KCNQ3: variants seen among roughly 807,000 people sequenced by gnomAD.
KCNQ3 encodes potassium voltage-gated channel subfamily KQT member 3.
A neutral mutation model predicts 92.5 loss-of-function variants in KCNQ3; 30 were observed. The ratio of observed to expected loss-of-function variants is 0.32; its 90% CI spans 0.24 to 0.44. KCNQ3 has a LOEUF of 0.44. KCNQ3 is among the 20% of genes least tolerant of loss of function. The pLI is 1.00. For missense variants in KCNQ3, 913 were observed against 1,140.3 expected (o/e 0.80, Z 2.87); for synonymous variants, 450 against 468.8 (o/e 0.96, Z 0.52).
chr8:132,417,014 T>C (rs896503616), intron 1 of KCNQ3, among the ~76,000 whole-genome samples: 8 of 152,188 alleles, frequency 5.3e-5, no homozygotes, highest in Non-Finnish European at 1.0e-4. Flanking sequence ...GAGAAACTTA[T>C]GTCCAAGTAG....
intron 1 of KCNQ3, among the ~76,000 whole-genome samples, chr8:132,417,635 A>C (rs1456542583): frequency 6.6e-6 from 1 of 152,214 alleles, no homozygotes; most frequent in Non-Finnish European, 1.5e-5. Flanking sequence ...CTTAGCAGCA[A>C]GACGGTCATC....
At chr8:132,324,935 C>T (rs151083716) in intron 1 of KCNQ3, among the ~76,000 whole-genome samples, 9 of 151,496 alleles carry the variant, frequency 5.9e-5, no homozygotes, top group Non-Finnish European at 1.2e-4. Context: ...GTTAGAGGCT[C>T]GCCAGCCTGA....
chr8:132,266,761 G>A (rs1279593444), intron 1 of KCNQ3, among the ~76,000 whole-genome samples: 1 of 152,150 alleles, frequency 6.6e-6, no homozygotes, highest in Non-Finnish European at 1.5e-5. Context: ...GGTCTGGAGT[G>A]AAGCTGAAGA....
At chr8:132,197,147 A>G (rs752651861) in intron 1 of KCNQ3, among the ~76,000 whole-genome samples, 21 of 151,968 alleles carry the variant, frequency 1.4e-4, no homozygotes, top group Non-Finnish European at 2.8e-4. Flanking sequence ...TGCCCCATTG[A>G]TTCCAGTCTG....
rs1232518899 is a variant in KCNQ3 at position 132,121,061 on chromosome 8, A to G, written c.*8201T>C. On this transcript the variant is annotated 3_prime_UTR_variant, in exon 15 of 15. Transcript: ENST00000388996. ...CATATTATAAAGAGCACTAAAGGCC[A>G]CTTGTGGAATAGTTGTGTTCCCCTG... 1 of 152,218 alleles carries G rather than the reference A, an allele frequency of 6.6e-6. No individual in the cohort carries two copies. The highest frequency in any genetic ancestry group is 2.4e-5 in the African/African-American group (1 of 41,450). 9.4% of individuals were successfully genotyped at this position (152,218 alleles called of 1,614,324 possible).
chr8:132,238,601 C>T (rs541518704), intron 1 of KCNQ3, among the ~76,000 whole-genome samples: 14 of 152,192 alleles, frequency 9.2e-5, no homozygotes, highest in South Asian at 8.3e-4. Flanking sequence ...TCCTGTGCAA[C>T]ATTCTCATTC....
At chr8:132,457,619 C>T (rs899820883) in intron 1 of KCNQ3, among the ~76,000 whole-genome samples, 1 of 152,210 alleles carries the variant, frequency 6.6e-6, no homozygotes, top group Non-Finnish European at 1.5e-5. Context: ...GGATCAAAGG[C>T]TGCCTCCAGA....
intron 1 of KCNQ3, among the ~76,000 whole-genome samples, chr8:132,456,902 C>A (rs1240897897): frequency 6.6e-6 from 1 of 152,276 alleles, no homozygotes; most frequent in African/African-American, 2.4e-5. Flanking sequence ...CATAAGCCAC[C>A]GCGCCTGGCT....
intron 1 of KCNQ3, among the ~76,000 whole-genome samples, chr8:132,189,698 T>C (rs527492848): frequency 6.6e-6 from 1 of 151,810 alleles, no homozygotes; most frequent in African/African-American, 2.4e-5. Flanking sequence ...TGGTGGTGCA[T>C]GCCTGTAATC....
intron 1 of KCNQ3, among the ~76,000 whole-genome samples, chr8:132,478,003 C>T (rs916376088): frequency 6.6e-6 from 1 of 152,094 alleles, no homozygotes; most frequent in Non-Finnish European, 1.5e-5. Context: ...CTTTATATAA[C>T]GGAGATAATA....
intron 9 of KCNQ3, among the ~76,000 whole-genome samples, chr8:132,146,287 G>A (rs372454373): frequency 1.3e-5 from 2 of 152,140 alleles, no homozygotes; most frequent in African/African-American, 2.4e-5. Flanking sequence ...ACATACAACG[G>A]GATACCATTT....
intron 1 of KCNQ3, among the ~76,000 whole-genome samples, chr8:132,456,471 G>GTGTA (rs1168505876): frequency 3.3e-5 from 5 of 151,514 alleles, no homozygotes; most frequent in African/African-American, 1.2e-4. Context: ...GAGGGTGTGT[G>GTGTA]TGTGTGTGTG....
Position 132,154,193 on chromosome 8 carries a change from G to GTTTTT in KCNQ3, c.1262+9270_1262+9274dup, listed in dbSNP as rs869112851. Among the ~76,000 whole-genome samples the GTTTTT allele has an allele frequency of 8.0e-4, 22 of 27,478 alleles. 3 individuals are homozygous for GTTTTT. The highest frequency in any genetic ancestry group is 0.019 in the Middle Eastern group (1 of 52). 18.0% of individuals were successfully genotyped at this position (27,478 alleles called of 152,430 possible). A position where few individuals can be genotyped will look rare whatever the true frequency, so the allele number is the denominator to read the frequency against. On this transcript the variant is annotated intron_variant, in intron 9 of 14. Coordinates refer to ENST00000388996, the MANE Select transcript of KCNQ3 (RefSeq NM_004519.4). ...CTGATGTACCATCAAAAGGGTAAAA[G>GTTTTT]TTTTTTTTTTTTTTTTTTTTTTTTT... is the stretch of plus-strand genomic sequence containing the variant.
At chr8:132,222,347 A>C (rs932379373) in intron 1 of KCNQ3, among the ~76,000 whole-genome samples, 8 of 152,256 alleles carry the variant, frequency 5.3e-5, no homozygotes, top group Non-Finnish European at 1.0e-4. Context: ...CATTCAAGAC[A>C]GTGGTTAGAA....
chr8:132,189,728 AG>A (rs1466860127), intron 1 of KCNQ3, among the ~76,000 whole-genome samples: 5 of 151,908 alleles, frequency 3.3e-5, no homozygotes, highest in African/African-American at 7.3e-5. Flanking sequence ...CGAGAGGCTG[AG>A]GCAGGAGAAT....
At chr8:132,417,095 T>C (rs1563903502) in intron 1 of KCNQ3, among the ~76,000 whole-genome samples, 1 of 152,330 alleles carries the variant, frequency 6.6e-6, no homozygotes, top group South Asian at 2.1e-4. Flanking sequence ...TCGTTTAACC[T>C]GACAGGCTGT....
intron 1 of KCNQ3, among the ~76,000 whole-genome samples, chr8:132,285,106 T>C (rs888649297): frequency 1.3e-5 from 2 of 152,150 alleles, no homozygotes; most frequent in Non-Finnish European, 1.5e-5. Flanking sequence ...GGCAGAAAAT[T>C]GGTACTGATG....
chr8:132,136,819 C>A (rs1479124283), intron 12 of KCNQ3, among the ~76,000 whole-genome samples: 3 of 151,224 alleles, frequency 2.0e-5, no homozygotes, highest in Admixed American at 6.6e-5. Context: ...TTTAAAAAAT[C>A]TCATTATATA....
intron 1 of KCNQ3, among the ~76,000 whole-genome samples, chr8:132,406,922 C>A (rs1820500128): frequency 6.6e-6 from 1 of 152,174 alleles, no homozygotes; most frequent in South Asian, 2.1e-4. Context: ...CACTTACTGA[C>A]ATATGAAGGA....
Sources: allele counts gnomAD v4.1 joint callset (sites outside exome capture counted in the v4.1 genomes callset), GRCh38; gene constraint gnomAD v4.1.1; transcripts MANE v1.5; gene names NCBI Gene and HGNC (gene_info 2026-07-23, HGNC 2026-07-21).